Variants in C5orf47 observed in about 807,000 individuals in gnomAD.
C5orf47 encodes uncharacterized protein C5orf47.
A neutral mutation model predicts 20.6 loss-of-function variants in C5orf47; 20 were observed. The ratio of observed to expected loss-of-function variants is 0.97; its 90% CI spans 0.68 to 1.41. C5orf47 has a LOEUF of 1.41. C5orf47 is among the 40% of genes most tolerant of loss of function. The pLI, the probability that C5orf47 is intolerant of heterozygous loss-of-function variation, is 0.00. For missense variants in C5orf47, 262 were observed against 238.4 expected, an observed-to-expected ratio of 1.10 and a Z score of -0.65; for synonymous variants, 106 against 97.3, an observed-to-expected ratio of 1.09 and a Z score of -0.53.
rs1210500378 is a variant in C5orf47 at position 174,004,424 on chromosome 5, A to C, written c.*170A>C. On this transcript the variant is annotated 3_prime_UTR_variant, in exon 5 of 5. Transcript: ENST00000340147. ...GAAAAATTACCTTCTTTATAAATTA[A>C]TAATATTTCTTTGCTACTTAATAAT... 6.6e-6 allele frequency: 1 copy of C among 152,196 alleles called. No homozygotes were observed. Among genetic ancestry groups the C allele is most frequent in the Admixed American group, 6.5e-5 (1 of 15,284 alleles). The allele number at this position is 152,196 out of a possible 1,614,324, so 9.4% of individuals were successfully genotyped here. A position where few individuals can be genotyped will look rare whatever the true frequency, so the allele number is the denominator to read the frequency against.
downstream of C5orf47, among the ~76,000 whole-genome samples, chr5:174,007,420 C>T (rs1389583934): frequency 1.3e-5 from 2 of 152,172 alleles, no homozygotes; most frequent in African/African-American, 4.8e-5. Context: ...ATTGTTAGAG[C>T]AGGAGCATGG....
downstream of C5orf47, among the ~76,000 whole-genome samples, chr5:174,008,284 T>C (rs1264086038): frequency 6.6e-6 from 1 of 152,144 alleles, no homozygotes; most frequent in Non-Finnish European, 1.5e-5. Context: ...ATCCGGCCCA[T>C]ATATTAGGTG....
chr5:173,989,614 C>A, intron 1 of C5orf47, 26 bp downstream of exon 1: 14 of 1,013,952 alleles, frequency 1.4e-5, no homozygotes, highest in Non-Finnish European at 1.7e-5. Context: ...AGGGCGGGAC[C>A]GGGCGCGGCG....
chr5:174,001,714 C>T (rs575294343), intron 4 of C5orf47, among the ~76,000 whole-genome samples: 19 of 152,162 alleles, frequency 1.2e-4, no homozygotes, highest in African/African-American at 3.6e-4. Flanking sequence ...TTTGCTACCA[C>T]CTAATAACAA....
At chr5:174,003,575 AG>A (rs1561649724) in intron 4 of C5orf47, among the ~76,000 whole-genome samples, 2 of 152,158 alleles carry the variant, frequency 1.3e-5, no homozygotes, top group African/African-American at 4.8e-5. Context: ...TGATATCTGT[AG>A]TGCATAAAGG....
chr5:174,000,297 T>C (rs1759172657), intron 3 of C5orf47, among the ~76,000 whole-genome samples: 1 of 152,104 alleles, frequency 6.6e-6, no homozygotes. Flanking sequence ...AAACAACTCA[T>C]GAATTAAACC....
chr5:174,005,929 A>C lies in C5orf47; in HGVS notation c.*1675A>C, dbSNP rs1012556136. The stretch of plus-strand genomic sequence containing the variant: ...AGACTCCCACTGAAATGAATGTTCT[A>C]AATATTTGTTCTAAATCTTTTAATT... On this transcript the variant is annotated 3_prime_UTR_variant, in exon 5 of 5. Transcript: ENST00000340147. The C allele has an allele frequency of 6.6e-6, 1 of 152,350 alleles. No homozygotes were observed. The highest frequency in any genetic ancestry group is 1.5e-5 in the Non-Finnish European group (1 of 68,032). The allele number at this position is 152,350 out of a possible 1,614,324, so 9.4% of individuals were successfully genotyped here.
intron 2 of C5orf47, 78 bp downstream of exon 2, chr5:173,998,316 C>A: frequency 1.4e-6 from 1 of 737,284 alleles, no homozygotes; most frequent in Non-Finnish European, 2.2e-6. Context: ...TAAAGATATT[C>A]AAGACAGTGA....
At chr5:173,990,323 G>A (rs1396274772) in intron 1 of C5orf47, among the ~76,000 whole-genome samples, 7 of 151,594 alleles carry the variant, frequency 4.6e-5, no homozygotes. Flanking sequence ...GGGTCTCCCT[G>A]TGTTACCCAG....
chr5:173,996,575 CTTAAA>C (rs1056485410), intron 1 of C5orf47, among the ~76,000 whole-genome samples: 3 of 152,136 alleles, frequency 2.0e-5, no homozygotes, highest in African/African-American at 7.2e-5. Flanking sequence ...GTTTCCCAAA[CTTAAA>C]TTATTTTCCT....
At chr5:174,000,970 G>T (rs940418199) in intron 3 of C5orf47, among the ~76,000 whole-genome samples, 3 of 152,066 alleles carry the variant, frequency 2.0e-5, no homozygotes, top group Admixed American at 6.6e-5. Context: ...ATCTTGTAAG[G>T]ATTATTTAAC....
chr5:173,989,274 C>T lies in C5orf47; in HGVS notation c.11C>T (p.Ala4Val). The change falls in exon 1 of 5, where the codon GCA becomes GTA. Residue 4 changes from alanine to valine, a missense_variant. Coordinates refer to ENST00000340147, the MANE Select transcript of C5orf47 (RefSeq NM_001144954.2). MAA[A>V]GRGREQDSAR... ...TTGACTGAGGCTGCGATGGCGGCGG[C>T]AGGCCGGGGTCGGGAGCAGGACTCG... The T allele has an allele frequency of 7.2e-7, 1 of 1,382,304 alleles. No homozygotes were observed. The highest frequency in any genetic ancestry group is 9.4e-7 in the Non-Finnish European group (1 of 1,064,776). The allele number at this position is 1,382,304 out of a possible 1,614,324, so 85.6% of individuals were successfully genotyped here. A position where few individuals can be genotyped will look rare whatever the true frequency, so the allele number is the denominator to read the frequency against.
chr5:174,005,482 G>T lies in C5orf47; in HGVS notation c.*1228G>T, dbSNP rs1759273276. 1 of 152,262 alleles carries T rather than the reference G, an allele frequency of 6.6e-6. No individual in the cohort carries two copies. The highest frequency in any genetic ancestry group is 1.5e-5 in the Non-Finnish European group (1 of 68,032). 9.4% of individuals were successfully genotyped at this position (152,262 alleles called of 1,614,324 possible). ...TAGTGACTATTTATCAAATCCACCT[G>T]TTTCTAGATGAAGGACACATTGCCT... On this transcript the variant is annotated 3_prime_UTR_variant, in exon 5 of 5. Coordinates refer to ENST00000340147, the MANE Select transcript of C5orf47 (RefSeq NM_001144954.2).
At chr5:173,999,525 C>T (rs1561648570) in intron 2 of C5orf47, among the ~76,000 whole-genome samples, 175 bp from the exon 3 acceptor site, 3 of 152,194 alleles carry the variant, frequency 2.0e-5, no homozygotes, top group Admixed American at 2.0e-4. Flanking sequence ...ACAGATATTT[C>T]AGTGATCGTG....
At chr5:174,001,340 C>T (rs1248587230) in intron 4 of C5orf47, 109 bp downstream of exon 4, 1 of 653,044 alleles carries the variant, frequency 1.5e-6, no homozygotes, top group Non-Finnish European at 2.6e-6. Flanking sequence ...CTAATTCCAG[C>T]CTATTTCCTT....
At position 173,989,317 on chromosome 5, in the gene C5orf47, G is replaced by T; in HGVS notation, c.54G>T (p.Val18=). 1 of 1,419,388 alleles carries T rather than the reference G, an allele frequency of 7.0e-7. No individual in the cohort carries two copies. Among genetic ancestry groups the T allele is most frequent in the Non-Finnish European group, 9.3e-7 (1 of 1,080,848 alleles). The allele number at this position is 1,419,388 out of a possible 1,614,324, so 87.9% of individuals were successfully genotyped here. A position where few individuals can be genotyped will look rare whatever the true frequency, so the allele number is the denominator to read the frequency against. The change falls in exon 1 of 5, where the codon GTG becomes GTT. Residue 18 remains valine, a synonymous_variant. Transcript: ENST00000340147. ...AGGACTCGGCGCGCTTCGTCTATGT[G>T]ACGCGCTTCGGCTCGCATCAGTGCA... ...REQDSARFVY[V]TRFGSHQCSG...
chr5:173,993,195 C>A (rs922653815), intron 1 of C5orf47, among the ~76,000 whole-genome samples: 1 of 152,138 alleles, frequency 6.6e-6, no homozygotes, highest in Non-Finnish European at 1.5e-5. Flanking sequence ...CATATGGGAT[C>A]ATAGAGCAGC....
chr5:173,990,898 G>C (rs1758984371), intron 1 of C5orf47, among the ~76,000 whole-genome samples: 1 of 151,546 alleles, frequency 6.6e-6, no homozygotes, highest in African/African-American at 2.4e-5. Context: ...TTAAACTATA[G>C]TTCACAGTGC....
intron 1 of C5orf47, among the ~76,000 whole-genome samples, chr5:173,993,424 C>T (rs887574854): frequency 6.6e-6 from 1 of 151,984 alleles, no homozygotes; most frequent in Non-Finnish European, 1.5e-5. Context: ...GGGCAGATCA[C>T]GAGATCAGGA....
Sources: allele counts gnomAD v4.1 joint callset (sites outside exome capture counted in the v4.1 genomes callset), GRCh38; gene constraint gnomAD v4.1.1; transcripts MANE v1.5; gene names NCBI Gene and HGNC (gene_info 2026-07-23, HGNC 2026-07-21).